The following SLC2A9 variants were observed in gnomAD, a reference collection of about 807,000 sequenced individuals.
SLC2A9 encodes solute carrier family 2, facilitated glucose transporter member 9.
A neutral mutation model predicts 50.6 loss-of-function variants in SLC2A9; 39 were observed. The ratio of observed to expected loss-of-function variants is 0.77; its 90% CI spans 0.60 to 1.01. The LOEUF (loss-of-function observed/expected upper bound fraction) is 1.01, where lower values mean the gene tolerates loss of function less well. SLC2A9 is among the 50% of genes least tolerant of loss of function. The pLI, the probability that SLC2A9 is intolerant of heterozygous loss-of-function variation, is 0.00. For synonymous variants in SLC2A9, 324 were observed against 276.9 expected (o/e 1.17, Z -1.69); for missense variants, 686 against 677.6 (o/e 1.01, Z -0.14).
intron 3 of SLC2A9, among the ~76,000 whole-genome samples, chr4:9,807,513 C>A (rs972450077): frequency 6.6e-6 from 1 of 152,188 alleles, no homozygotes; most frequent in South Asian, 2.1e-4. Flanking sequence ...GTTCTCTCCT[C>A]TGCTGAACTG....
intron 2 of SLC2A9, among the ~76,000 whole-genome samples, chr4:10,001,386 C>T (rs1409386936): frequency 6.6e-6 from 1 of 152,170 alleles, no homozygotes; most frequent in East Asian, 1.9e-4. Context: ...AGATGGCCAT[C>T]TGTGAGCCAG....
chr4:9,953,778 G>A (rs545465386), intron 5 of SLC2A9, among the ~76,000 whole-genome samples: 33 of 147,112 alleles, frequency 2.2e-4, no homozygotes, highest in African/African-American at 7.8e-4. Flanking sequence ...ATGCACTACC[G>A]TGCCCAGCTA....
intron 2 of SLC2A9, among the ~76,000 whole-genome samples, chr4:10,015,560 G>A (rs1392613532): frequency 2.0e-5 from 3 of 152,152 alleles, no homozygotes; most frequent in African/African-American, 4.8e-5. Context: ...CCGATGTGAT[G>A]GTATTTGGAG....
At chr4:9,941,232 G>A (rs1448386864) in intron 6 of SLC2A9, among the ~76,000 whole-genome samples, 1 of 152,192 alleles carries the variant, frequency 6.6e-6, no homozygotes, top group African/African-American at 2.4e-5. Flanking sequence ...TCAGGGCTCT[G>A]TAGAGAGATG....
At chr4:9,851,578 A>T (rs781514753) in intron 10 of SLC2A9, among the ~76,000 whole-genome samples, 1 of 152,208 alleles carries the variant, frequency 6.6e-6, no homozygotes, top group Admixed American at 6.5e-5. Context: ...ACCATAGTGA[A>T]ATGACTGAAA....
chr4:9,901,955 T>C (rs1739711588), intron 8 of SLC2A9, among the ~76,000 whole-genome samples: 1 of 152,230 alleles, frequency 6.6e-6, no homozygotes, highest in Non-Finnish European at 1.5e-5. Context: ...TTTGTCCCTC[T>C]ATCAAAGGTT....
chr4:9,781,022 G>T (rs1269589007), intron 3 of SLC2A9, among the ~76,000 whole-genome samples: 1 of 152,056 alleles, frequency 6.6e-6, no homozygotes, highest in Admixed American at 6.5e-5. Flanking sequence ...GCGGTGGTGG[G>T]GAAAAGGACA....
chr4:9,837,077 C>T (rs184343328), intron 10 of SLC2A9, among the ~76,000 whole-genome samples: 6 of 152,070 alleles, frequency 3.9e-5, no homozygotes, highest in African/African-American at 1.2e-4. Flanking sequence ...AAAAACAACT[C>T]GGAATGGAGC....
At chr4:9,780,979 T>A (rs1326088852) in intron 3 of SLC2A9, among the ~76,000 whole-genome samples, 2 of 152,152 alleles carry the variant, frequency 1.3e-5, no homozygotes, top group African/African-American at 4.8e-5. Context: ...TTCCGAATTA[T>A]TCCCCAAAGG....
At chr4:9,802,750 A>G (rs1721620192) in intron 3 of SLC2A9, among the ~76,000 whole-genome samples, 1 of 151,672 alleles carries the variant, frequency 6.6e-6, no homozygotes. Context: ...TTTAGTAGAG[A>G]TGGAGTTTCA....
intron 3 of SLC2A9, among the ~76,000 whole-genome samples, chr4:9,994,873 T>C (rs1372367766): frequency 6.6e-5 from 10 of 152,038 alleles, no homozygotes; most frequent in Non-Finnish European, 5.9e-5. Context: ...GGGGAGTGAC[T>C]CCATCCCACT....
At chr4:9,913,328 T>TGAGAGA (rs1467124229) in intron 7 of SLC2A9, among the ~76,000 whole-genome samples, 18 of 136,610 alleles carry the variant, frequency 1.3e-4, no homozygotes, top group East Asian at 5.8e-4. Flanking sequence ...TGTGTGTGTG[T>TGAGAGA]GTGAGAGAGA....
At chr4:9,846,662 T>A (rs1008411104) in intron 10 of SLC2A9, among the ~76,000 whole-genome samples, 8 of 152,220 alleles carry the variant, frequency 5.3e-5, no homozygotes, top group African/African-American at 1.9e-4. Context: ...ACTTGGCACA[T>A]GGCAAATTAT....
upstream of SLC2A9, chr4:10,025,671 C>T: frequency 1.9e-6 from 1 of 526,710 alleles, no homozygotes; most frequent in Non-Finnish European, 3.4e-6. Context: ...TGCCCCAAGC[C>T]CAGAAAGTCA....
chr4:10,014,466 G>A (rs1444943617), intron 2 of SLC2A9, among the ~76,000 whole-genome samples: 5 of 152,162 alleles, frequency 3.3e-5, no homozygotes. Context: ...TCATAGCCTG[G>A]GTGGTGCTGG....
intron 8 of SLC2A9, among the ~76,000 whole-genome samples, chr4:9,892,492 G>T (rs1478639961): frequency 6.6e-6 from 1 of 152,178 alleles, no homozygotes; most frequent in Non-Finnish European, 1.5e-5. Flanking sequence ...ACATCCAGGG[G>T]CACAAAAGCC....
At chr4:9,989,516 T>C (rs1757315388) in intron 3 of SLC2A9, among the ~76,000 whole-genome samples, 1 of 152,036 alleles carries the variant, frequency 6.6e-6, no homozygotes, top group African/African-American at 2.4e-5. Flanking sequence ...CCACATGCCC[T>C]CTGCTTGTAT....
intron 7 of SLC2A9, among the ~76,000 whole-genome samples, chr4:9,911,983 C>T (rs1006187972): frequency 6.6e-6 from 1 of 152,164 alleles, no homozygotes; most frequent in African/African-American, 2.4e-5. Context: ...AGTTCATGTC[C>T]TTTGTAGGGA....
intron 2 of SLC2A9, among the ~76,000 whole-genome samples, chr4:10,013,581 A>G (rs1459268604): frequency 6.6e-6 from 1 of 152,236 alleles, no homozygotes; most frequent in African/African-American, 2.4e-5. Flanking sequence ...TCCAGTGTGC[A>G]CACAATTCTG....
Sources: allele counts gnomAD v4.1 joint callset (sites outside exome capture counted in the v4.1 genomes callset), GRCh38; gene constraint gnomAD v4.1.1; transcripts MANE v1.5; gene names NCBI Gene and HGNC (gene_info 2026-07-23, HGNC 2026-07-21).